CYB5R4: variants seen among roughly 807,000 people sequenced by gnomAD.
CYB5R4 encodes the protein N-terminal cytochrome b5 and cytochrome b5 oxidoreductase domain-containing protein.
CYB5R4 carries 55 observed loss-of-function variants against 70.2 expected under a neutral mutation model. The ratio of observed to expected loss-of-function variants is 0.78; its 90% CI spans 0.63 to 0.98. The LOEUF (loss-of-function observed/expected upper bound fraction) is 0.98, where lower values mean the gene tolerates loss of function less well. CYB5R4 is among the 50% of genes least tolerant of loss of function. The pLI, the probability that CYB5R4 is intolerant of heterozygous loss-of-function variation, is 0.00. For synonymous variants in CYB5R4, 197 were observed against 199.5 expected (o/e 0.99, Z 0.11); for missense variants, 562 against 612.6 (o/e 0.92, Z 0.87).
At chr6:83,925,393 C>G (rs991192774) in intron 10 of CYB5R4, among the ~76,000 whole-genome samples, 1 of 152,152 alleles carries the variant, frequency 6.6e-6, no homozygotes, top group African/African-American at 2.4e-5. Context: ...GATTACAATT[C>G]AACCTAAGAT....
Position 83,865,229 on chromosome 6 carries a change from T to C in CYB5R4, c.229+901T>C, listed in dbSNP as rs547251076. 7.2e-5 allele frequency among the ~76,000 whole-genome samples: 11 copies of C among 152,270 alleles called. No homozygotes were observed. In the South Asian group the frequency reaches 8.3e-4, roughly 11 times the overall value. ...TGTTCAATGAGTGTAACACTTACTT[T>C]TAAGAAGTATGGTCACTTAAAGAGG... On this transcript the variant is annotated intron_variant, in intron 2 of 15. Transcript: ENST00000369681.
Position 83,947,348 on chromosome 6 carries a change from A to G in CYB5R4, c.1346+6747A>G, listed in dbSNP as rs540935514. ...ATAAATGGTGTTGGGAAAAGTCACT[A>G]GCCATATGCACAAAACTAAAACTGG... On this transcript the variant is annotated intron_variant, in intron 14 of 15. Transcript: ENST00000369681. Among the ~76,000 whole-genome samples, 25 of 152,322 alleles carry G rather than the reference A, an allele frequency of 1.6e-4. No homozygotes were observed. In the South Asian group the frequency reaches 4.8e-3, roughly 29 times the overall value.
chr6:83,923,802 A>G (rs181490883), intron 9 of CYB5R4, among the ~76,000 whole-genome samples: 2 of 152,152 alleles, frequency 1.3e-5, no homozygotes, highest in Non-Finnish European at 2.9e-5. Context: ...TTCAGATTCT[A>G]AGGAATGTTA....
intron 2 of CYB5R4, among the ~76,000 whole-genome samples, chr6:83,889,594 T>TGAGGTCTGATA (rs1412535299): frequency 2.6e-5 from 4 of 152,214 alleles, no homozygotes; most frequent in African/African-American, 9.6e-5. Context: ...TCATTGACAA[T>TGAGGTCTGATA]GCAACTGGTC....
intron 2 of CYB5R4, among the ~76,000 whole-genome samples, chr6:83,891,680 C>G (rs970514500): frequency 6.6e-6 from 1 of 152,010 alleles, no homozygotes; most frequent in African/African-American, 2.4e-5. Flanking sequence ...TAGTTTTTTT[C>G]GTCTGGAAAG....
At chr6:83,872,577 A>G (rs1406801073) in intron 2 of CYB5R4, among the ~76,000 whole-genome samples, 1 of 152,228 alleles carries the variant, frequency 6.6e-6, no homozygotes, top group Non-Finnish European at 1.5e-5. Flanking sequence ...ACCTGCTTTC[A>G]CATTATCTTT....
intron 2 of CYB5R4, among the ~76,000 whole-genome samples, chr6:83,870,122 T>C (rs2099457343): frequency 6.6e-6 from 1 of 152,288 alleles, no homozygotes; most frequent in South Asian, 2.1e-4. Context: ...TATGTATTGA[T>C]TGGTTGACAA....
rs2099473825 is a variant in CYB5R4, at chr6:83,964,795, G to C, written c.*4917G>C. 1 of 152,150 alleles carries C rather than the reference G, an allele frequency of 6.6e-6. No individual in the cohort carries two copies. The highest frequency in any genetic ancestry group is 1.5e-5 in the Non-Finnish European group (1 of 68,054). 9.4% of individuals were successfully genotyped at this position (152,150 alleles called of 1,614,324 possible). ...AAAAAATGGTAAAAATGGTTTTGTG[G>C]GCAAGGCCTAGGGTCCTTGTGCTGT... On this transcript the variant is annotated 3_prime_UTR_variant, in exon 16 of 16. Transcript: ENST00000369681.
intron 2 of CYB5R4, among the ~76,000 whole-genome samples, chr6:83,865,797 G>A (rs950681749): frequency 5.9e-5 from 9 of 152,128 alleles, no homozygotes; most frequent in East Asian, 5.8e-4. Flanking sequence ...CAGTGGCAAA[G>A]GGTATGGAAA....
At chr6:83,866,241 A>G (rs1460504804) in intron 2 of CYB5R4, among the ~76,000 whole-genome samples, 2 of 152,190 alleles carry the variant, frequency 1.3e-5, no homozygotes, top group African/African-American at 4.8e-5. Context: ...GTTAGACTTT[A>G]TTATTCATAT....
intron 8 of CYB5R4, among the ~76,000 whole-genome samples, chr6:83,921,626 T>A (rs1447533680): frequency 6.6e-6 from 1 of 152,196 alleles, no homozygotes; most frequent in Non-Finnish European, 1.5e-5. Flanking sequence ...TGTCAGTCCC[T>A]TCGTGGCTAA....
In CYB5R4 at chr6:83,959,859, T is replaced by C; in HGVS notation, c.1547T>C (p.Ile516Thr). Reference sequence around the variant, plus strand: ...GATCTCAACTTTTCCAAAAATGAGATCCATAGTTTTACAGCATAATGAAGA... The same window carrying C: ...GATCTCAACTTTTCCAAAAATGAGACCCATAGTTTTACAGCATAATGAAGA... ...LHDLNFSKNE[I>T]HSFTA Residue 516 changes from isoleucine to threonine, a missense_variant, in exon 16 of 16, where the codon ATC becomes ACC. Coordinates refer to ENST00000369681, the MANE Select transcript of CYB5R4 (RefSeq NM_016230.4). The C allele has an allele frequency of 6.2e-7, 1 of 1,600,478 alleles. No homozygotes were observed. Among genetic ancestry groups the C allele is most frequent in the Non-Finnish European group, 8.5e-7 (1 of 1,174,358 alleles).
intron 2 of CYB5R4, among the ~76,000 whole-genome samples, chr6:83,889,574 A>T (rs1234894121): frequency 6.6e-6 from 1 of 152,222 alleles, no homozygotes; most frequent in Non-Finnish European, 1.5e-5. Flanking sequence ...GTTTCTTTTC[A>T]AATTACTACT....
At chr6:83,949,788 C>T (rs1022457744) in intron 14 of CYB5R4, among the ~76,000 whole-genome samples, 1 of 152,162 alleles carries the variant, frequency 6.6e-6, no homozygotes, top group Non-Finnish European at 1.5e-5. Flanking sequence ...AGTTATTAAT[C>T]TCTTGGCCTT....
At chr6:83,877,800 A>T (rs1252939871) in intron 2 of CYB5R4, among the ~76,000 whole-genome samples, 1 of 152,134 alleles carries the variant, frequency 6.6e-6, no homozygotes, top group East Asian at 1.9e-4. Context: ...GACTGCCTTT[A>T]AGACTTTCTT....
chr6:83,886,568 C>A lies in CYB5R4; in HGVS notation c.230-6954C>A, dbSNP rs139700377. On this transcript the variant is annotated intron_variant, in intron 2 of 15. Coordinates refer to ENST00000369681, the MANE Select transcript of CYB5R4 (RefSeq NM_016230.4). ...GTATGATCCCATTTGTATGAAATGT[C>A]CAGAATATGCAAATCTATAGAGACA... Among the ~76,000 whole-genome samples the A allele has an allele frequency of 3.6e-3, 552 of 152,236 alleles. 1 individual carries two copies. Among genetic ancestry groups the A allele is most frequent in the African/African-American group, 0.012 (516 of 41,538 alleles).
intron 2 of CYB5R4, among the ~76,000 whole-genome samples, chr6:83,878,926 C>G (rs1008210002): frequency 2.0e-5 from 3 of 152,072 alleles, no homozygotes; most frequent in Admixed American, 6.5e-5. Flanking sequence ...TGTTCTTGTT[C>G]TACTCTTAGC....
At chr6:83,918,897 G>A (rs1345334393) in intron 6 of CYB5R4, among the ~76,000 whole-genome samples, 1 of 152,022 alleles carries the variant, frequency 6.6e-6, no homozygotes, top group African/African-American at 2.4e-5. Flanking sequence ...GGTGATAAGT[G>A]CAAAAAGAGT....
chr6:83,923,726 C>T (rs528154280), intron 9 of CYB5R4, among the ~76,000 whole-genome samples: 1 of 152,024 alleles, frequency 6.6e-6, no homozygotes, highest in Non-Finnish European at 1.5e-5. Flanking sequence ...GGAACTCATT[C>T]TCATGAGGCT....
Sources: gnomAD v4.1 joint callset for allele counts (sites outside exome capture counted in the v4.1 genomes callset) on GRCh38, gnomAD v4.1.1 for gene constraint, MANE v1.5 for transcripts, NCBI Gene and HGNC (gene_info 2026-07-23, HGNC 2026-07-21) for gene names.